The following GIMAP5 variants were observed in gnomAD, a reference collection of about 807,000 sequenced individuals.
GIMAP5 encodes the protein GTPase, IMAP family member 5, also known as GTPase IMAP family member 5.
GIMAP5 carries 8 observed loss-of-function variants against 9.9 expected under a neutral mutation model. The ratio of observed to expected loss-of-function variants is 0.81; its 90% CI spans 0.47 to 1.45. GIMAP5 has a LOEUF of 1.45. GIMAP5 is among the 40% of genes most tolerant of loss of function. The pLI is 0.00. For missense variants in GIMAP5, 353 were observed against 367.4 expected (o/e 0.96, Z 0.32); for synonymous variants, 174 against 151.4 (o/e 1.15, Z -1.09).
chr7:150,737,825 C>A, intron 1 of GIMAP5, 117 bp downstream of exon 1: 1 of 834,262 alleles, frequency 1.2e-6, no homozygotes, highest in Non-Finnish European at 1.9e-6. Flanking sequence ...TCTGGGTTCG[C>A]TGGTCAGTAA....
rs564824817 is a variant in GIMAP5 at position 150,739,407 on chromosome 7, C to G, written c.-6-1472C>G. 38 of 152,292 alleles carry G rather than the reference C, an allele frequency of 2.5e-4. No homozygotes were observed. The East Asian group carries it at 2.5e-3, about 10-fold the overall frequency. The allele number at this position is 152,292 out of a possible 1,614,324, so 9.4% of individuals were successfully genotyped here. On this transcript the variant is annotated intron_variant, in intron 1 of 2. Transcript: ENST00000358647. ...GAAATTTTAAGATCAGTTTTGATCA[C>G]ATCACAGGGAATTTGAGAGAGCAAT...
chr7:150,737,813 C>T, intron 1 of GIMAP5, 105 bp downstream of exon 1: 1 of 924,306 alleles, frequency 1.1e-6, no homozygotes, highest in African/African-American at 1.6e-5. Flanking sequence ...GATCCCCTCA[C>T]TTCTGGGTTC....
In GIMAP5 at chr7:150,742,649, C is replaced by T. The variant is rs61751028; in HGVS notation, c.510C>T (p.Asn170=). The change falls in exon 3 of 3, where the codon AAC becomes AAT. Residue 170 remains asparagine (N), a synonymous_variant. Transcript: ENST00000358647. ...ATGACTATGTAGCAAACACGGACAA[C>T]TGCAGCCTGAAAGACCTGGTGCGGG... ...ALDDYVANTD[N]CSLKDLVREC... is the part of the protein sequence containing the mutation. 9.1e-4 allele frequency: 1,470 copies of T among 1,614,224 alleles called. 10 individuals carry two copies. In the African/African-American group the frequency reaches 0.016, roughly 18 times the overall value.
chr7:150,742,138 T>C (rs1257532989), intron 2 of GIMAP5, 45 bp from the exon 3 acceptor site: 2 of 1,582,710 alleles, frequency 1.3e-6, no homozygotes, highest in Admixed American at 1.7e-5. Context: ...CTAACAGTCT[T>C]AAGAATCATT....
chr7:150,742,055 A>G, intron 2 of GIMAP5, 128 bp from the exon 3 acceptor site: 1 of 1,148,124 alleles, frequency 8.7e-7, no homozygotes, highest in East Asian at 2.5e-5. Flanking sequence ...GCACACTTTT[A>G]TGTACACATA....
rs9657892 is a variant in GIMAP5 at position 150,737,601 on chromosome 7, C to T, written c.-114C>T. 0.013 allele frequency: 20,414 copies of T among 1,535,584 alleles called. 159 individuals carry two copies. The highest frequency in any genetic ancestry group is 0.016 in the Non-Finnish European group (18,117 of 1,146,804). On this transcript the variant is annotated 5_prime_UTR_variant, in exon 1 of 3. The change creates a new upstream start codon in the 5' untranslated region. Transcript: ENST00000358647. ...TGTGAACAGCATCCCCGCACACAGACGCAGAGCAGGACTCTCTCTGCTGCC... is the reference window on the plus strand; with the variant it reads ...TGTGAACAGCATCCCCGCACACAGATGCAGAGCAGGACTCTCTCTGCTGCC...
chr7:150,740,292 G>A (rs2116575470), intron 1 of GIMAP5: 1 of 152,512 alleles, frequency 6.6e-6, no homozygotes, highest in Admixed American at 6.5e-5. Flanking sequence ...TGGGAAAGCG[G>A]TCATACCGGT....
chr7:150,737,675 C>T lies in GIMAP5; in HGVS notation c.-40C>T, dbSNP rs1563372406. 4 of 1,535,692 alleles carry T rather than the reference C, an allele frequency of 2.6e-6. No individual in the cohort carries two copies. The highest frequency in any genetic ancestry group is 3.5e-6 in the Non-Finnish European group (4 of 1,146,900). On this transcript the variant is annotated 5_prime_UTR_variant, in exon 1 of 3. Transcript: ENST00000358647. ...CAGCGGCCAGAGCCTCAGTGACTGCCACCCTGGAGGACAGGGCACAACAAC... is the reference window on the plus strand; with the variant it reads ...CAGCGGCCAGAGCCTCAGTGACTGCTACCCTGGAGGACAGGGCACAACAAC...
In GIMAP5 at chr7:150,742,509, A is replaced by ATCAG; in HGVS notation, c.370_371insTCAG (p.Thr124IlefsTer41). ...TCTGGTGATCCAGCTGGGGCGTTTC[A>ATCAG]CTGCTCAGGACACAGTGGCCATCAG... On this transcript the variant is annotated frameshift_variant, in exon 3 of 3. Coordinates refer to ENST00000358647, the MANE Select transcript of GIMAP5 (RefSeq NM_018384.5). LOFTEE classifies it high-confidence loss of function. 6.2e-7 allele frequency: 1 copy of ATCAG among 1,614,120 alleles called. No individual in the cohort carries two copies. The highest frequency in any genetic ancestry group is 8.5e-7 in the Non-Finnish European group (1 of 1,180,022).
intron 1 of GIMAP5, chr7:150,739,882 C>T (rs1267890339): frequency 6.6e-6 from 1 of 152,088 alleles, no homozygotes; most frequent in Non-Finnish European, 1.5e-5. Flanking sequence ...AGATAGAAAT[C>T]ACAGAAGTTA....
chr7:150,737,824 G>T, intron 1 of GIMAP5, 116 bp downstream of exon 1: 1 of 838,230 alleles, frequency 1.2e-6, no homozygotes, highest in Non-Finnish European at 1.9e-6. Context: ...TTCTGGGTTC[G>T]CTGGTCAGTA....
At chr7:150,741,793 G>A (rs559231407) in intron 2 of GIMAP5, among the ~76,000 whole-genome samples, 1 of 152,338 alleles carries the variant, frequency 6.6e-6, no homozygotes, top group South Asian at 2.1e-4. Flanking sequence ...GGGTGAAAGA[G>A]AAGTAATTGG....
rs1173804534 is a variant in GIMAP5 at position 150,742,206 on chromosome 7, G to A, written c.67G>A (p.Ala23Thr). The A allele has an allele frequency of 6.8e-6, 11 of 1,613,946 alleles. No individual in the cohort carries two copies. The highest frequency in any genetic ancestry group is 7.6e-6 in the Non-Finnish European group (9 of 1,179,864). Residue 23 changes from alanine to threonine, a missense_variant, in exon 3 of 3, where the codon GCA (alanine) becomes ACA (threonine). Coordinates refer to ENST00000358647, the MANE Select transcript of GIMAP5 (RefSeq NM_018384.5). ...AEGRSEDNLS[A>T]TPPALRIILV... ...AGGTAGATCAGAAGATAACTTGTCT[G>A]CAACACCACCGGCATTGAGGATTAT...
At chr7:150,742,049 A>G in intron 2 of GIMAP5, 134 bp from the exon 3 acceptor site, 1 of 1,100,848 alleles carries the variant, frequency 9.1e-7, no homozygotes, top group Non-Finnish European at 1.3e-6. Flanking sequence ...TTGTATGCAC[A>G]CTTTTATGTA....
At chr7:150,739,676 A>C (rs1797566593) in intron 1 of GIMAP5, 1 of 152,122 alleles carries the variant, frequency 6.6e-6, no homozygotes, top group Admixed American at 6.5e-5. Flanking sequence ...GGGAGAGAGG[A>C]AAATGTTCTT....
At position 150,740,982 on chromosome 7, in the gene GIMAP5, C is replaced by T. The variant is rs186655485; in HGVS notation, c.43+55C>T. 5.0e-6 allele frequency: 8 copies of T among 1,587,890 alleles called. No individual in the cohort carries two copies. The East Asian group carries it at 1.6e-4, about 31-fold the overall frequency. Reference sequence around the variant, plus strand: ...CCAGACACTTGGGAGAATCACAATTCTCTCCCCATCTACCCCCATCTAAAA... The same window carrying T: ...CCAGACACTTGGGAGAATCACAATTTTCTCCCCATCTACCCCCATCTAAAA... On this transcript the variant is annotated intron_variant, in intron 2 of 2. Transcript: ENST00000358647.
At chr7:150,739,945 G>GT (rs1318170085) in intron 1 of GIMAP5, 1 of 152,058 alleles carries the variant, frequency 6.6e-6, no homozygotes, top group Admixed American at 6.6e-5. Context: ...CATGAAAACT[G>GT]TTTTTAATTT....
intron 1 of GIMAP5, chr7:150,740,395 G>A (rs111500099): frequency 0.011 from 1,805 of 160,368 alleles, 35 homozygotes; most frequent in African/African-American, 0.041. Context: ...TTTCCTCTCC[G>A]CCGCTGGAAT....
chr7:150,741,320 C>A (rs1159457794), intron 2 of GIMAP5, among the ~76,000 whole-genome samples: 1 of 152,014 alleles, frequency 6.6e-6, no homozygotes, highest in Non-Finnish European at 1.5e-5. Flanking sequence ...GAAGAACCAA[C>A]CCAGAGTGGG....
Sources: allele counts gnomAD v4.1 joint callset (sites outside exome capture counted in the v4.1 genomes callset), GRCh38; gene constraint gnomAD v4.1.1; transcripts MANE v1.5; gene names NCBI Gene and HGNC (gene_info 2026-07-23, HGNC 2026-07-21).